Variants in STPG2 observed in about 807,000 individuals in gnomAD.
STPG2 encodes the protein sperm-tail PG-rich repeat-containing protein 2.
STPG2 carries 56 observed loss-of-function variants against 54.2 expected under a neutral mutation model. The observed-to-expected ratio is 1.03, with a 90% CI of 0.83 to 1.29. STPG2 has a LOEUF of 1.29. Ranked by LOEUF, STPG2 falls within the 50% of genes most tolerant of loss-of-function variation. The pLI, the probability that STPG2 is intolerant of heterozygous loss-of-function variation, is 0.00. For synonymous variants in STPG2, 200 were observed against 181.8 expected (o/e 1.10, Z -0.81); for missense variants, 596 against 544.9 (o/e 1.09, Z -0.93).
chr4:98,109,271 A>G lies in STPG2; in HGVS notation c.422T>C (p.Ile141Thr), dbSNP rs1435351888. ...VSNATLKYKG[I>T]HFGNSSGRQE... The stretch of plus-strand genomic sequence containing the variant: ...TCTTCCTGAAGAGTTGCCAAAATGT[A>G]TACCTTTGTATTTCAAAGTTGCATT... Residue 141 changes from isoleucine (I) to threonine (T), a missense_variant, in exon 4 of 11, where the codon ATA (isoleucine) becomes ACA (threonine). Transcript: ENST00000295268. 1.2e-6 allele frequency: 2 copies of G among 1,609,622 alleles called. No individual in the cohort carries two copies. Among genetic ancestry groups the G allele is most frequent in the Non-Finnish European group, 1.7e-6 (2 of 1,177,846 alleles).
chr4:97,733,454 G>A (rs1410279064), intron 9 of STPG2, among the ~76,000 whole-genome samples: 2 of 151,692 alleles, frequency 1.3e-5, no homozygotes, highest in African/African-American at 2.4e-5. Context: ...GGGTGGGAGA[G>A]GAATAGGGAT....
intron 5 of STPG2, among the ~76,000 whole-genome samples, chr4:98,080,039 T>C (rs28451101): frequency 0.4 from 60,118 of 151,872 alleles, 12,144 homozygotes; most frequent in Middle Eastern, 0.46. Context: ...TGTATTACAT[T>C]ATACCTAAGC....
intron 9 of STPG2, among the ~76,000 whole-genome samples, chr4:97,835,731 T>A (rs1049906567): frequency 1.3e-5 from 2 of 152,126 alleles, no homozygotes; most frequent in Non-Finnish European, 2.9e-5. Context: ...CTGGAAAGGC[T>A]ATACCATTAT....
chr4:97,603,614 C>T (rs182194470), intron 10 of STPG2, among the ~76,000 whole-genome samples: 1 of 151,352 alleles, frequency 6.6e-6, no homozygotes, highest in African/African-American at 2.4e-5. Context: ...TATATATACA[C>T]ACACATATAT....
At chr4:97,444,285 C>T (rs1011805773) in intron 4 of STPG2, among the ~76,000 whole-genome samples, 2 of 151,994 alleles carry the variant, frequency 1.3e-5, no homozygotes, top group East Asian at 1.9e-4. Context: ...GACATCAATC[C>T]ACACAATCCA....
intron 10 of STPG2, among the ~76,000 whole-genome samples, chr4:97,708,611 A>G (rs1018275932): frequency 6.6e-6 from 1 of 151,938 alleles, no homozygotes; most frequent in Non-Finnish European, 1.5e-5. Flanking sequence ...TAATAGAAAA[A>G]TTGAAAACTT....
chr4:97,470,916 A>G lies in STPG2; in HGVS notation c.462+241783T>C, dbSNP rs867493255. ...TTAGGCTACTATTGACTTTCTGATGATATGTCAGATTGGGGATCATCTGCT... is the reference window on the plus strand; with the variant it reads ...TTAGGCTACTATTGACTTTCTGATGGTATGTCAGATTGGGGATCATCTGCT... On this transcript the variant is annotated intron_variant, in intron 4 of 4. Coordinates refer to the STPG2 transcript ENST00000522676. Among the ~76,000 whole-genome samples, 3 of 152,258 alleles carry G rather than the reference A, an allele frequency of 2.0e-5. No individual in the cohort carries two copies. In the Middle Eastern group the frequency reaches 0.01, roughly 518 times the overall value.
chr4:97,710,905 AAT>A (rs1374141128), intron 10 of STPG2, among the ~76,000 whole-genome samples: 1 of 152,058 alleles, frequency 6.6e-6, no homozygotes, highest in Non-Finnish European at 1.5e-5. Context: ...TATAGGATGT[AAT>A]AGTTTGAAAT....
At chr4:97,874,791 G>T (rs904941495) in intron 8 of STPG2, among the ~76,000 whole-genome samples, 1 of 151,458 alleles carries the variant, frequency 6.6e-6, no homozygotes, top group Non-Finnish European at 1.5e-5. Flanking sequence ...GCCTTTAAAA[G>T]GTAATTATGT....
At chr4:97,844,319 A>G (rs1728884621) in intron 8 of STPG2, among the ~76,000 whole-genome samples, 1 of 152,050 alleles carries the variant, frequency 6.6e-6, no homozygotes, top group African/African-American at 2.4e-5. Flanking sequence ...CCCATGTTGT[A>G]GCATATTGCA....
At position 97,470,271 on chromosome 4, in the gene STPG2, A is replaced by G. The variant is rs193244028; in HGVS notation, c.462+242428T>C. Among the ~76,000 whole-genome samples the G allele has an allele frequency of 8.7e-4, 132 of 152,224 alleles. 1 individual carries two copies. In the Middle Eastern group the frequency reaches 0.017, roughly 20 times the overall value. ...AATGAGAGTTGGGTGATTTTAAAAC[A>G]CAGCTGACTGAGACTGGAGGCACAT... On this transcript the variant is annotated intron_variant, in intron 4 of 4. Coordinates refer to the STPG2 transcript ENST00000522676.
chr4:97,738,796 A>C (rs1186831273), intron 9 of STPG2, among the ~76,000 whole-genome samples: 2 of 152,134 alleles, frequency 1.3e-5, no homozygotes, highest in Admixed American at 1.3e-4. Context: ...AACATTAGAC[A>C]GATCAACAAG....
chr4:97,660,421 T>C (rs1472231834), intron 10 of STPG2, among the ~76,000 whole-genome samples: 2 of 152,208 alleles, frequency 1.3e-5, no homozygotes, highest in African/African-American at 4.8e-5. Flanking sequence ...GTATGCTTCA[T>C]CACATACAAT....
At chr4:97,871,394 G>T (rs1291962892) in intron 8 of STPG2, among the ~76,000 whole-genome samples, 2 of 150,374 alleles carry the variant, frequency 1.3e-5, no homozygotes, top group African/African-American at 2.4e-5. Context: ...CACACCAGTA[G>T]CTAATCTAAT....
chr4:97,790,605 C>T (rs1191553666), intron 9 of STPG2, among the ~76,000 whole-genome samples: 1 of 152,098 alleles, frequency 6.6e-6, no homozygotes, highest in East Asian at 1.9e-4. Context: ...CTAGAGGCTG[C>T]CCTCATTGCT....
intron 9 of STPG2, among the ~76,000 whole-genome samples, chr4:97,802,632 G>A (rs964606574): frequency 4.0e-5 from 6 of 151,896 alleles, no homozygotes; most frequent in Admixed American, 6.6e-5. Context: ...CACCACACCC[G>A]GCTAGTTTTT....
chr4:97,683,782 A>C (rs939072680), intron 10 of STPG2, among the ~76,000 whole-genome samples: 1 of 151,812 alleles, frequency 6.6e-6, no homozygotes, highest in African/African-American at 2.4e-5. Flanking sequence ...ATAAAAAAGA[A>C]AACTAAATAA....
intron 10 of STPG2, among the ~76,000 whole-genome samples, chr4:97,604,585 T>C (rs547459911): frequency 6.6e-6 from 1 of 151,840 alleles, no homozygotes; most frequent in East Asian, 1.9e-4. Context: ...ACCCTTCTGC[T>C]ACCCATAAGA....
At chr4:98,121,992 C>A (rs1422288579) in intron 3 of STPG2, among the ~76,000 whole-genome samples, 2 of 152,068 alleles carry the variant, frequency 1.3e-5, no homozygotes, top group South Asian at 4.1e-4. Flanking sequence ...AGTGCTGGGA[C>A]TACAAGCGTG....
Sources: allele counts gnomAD v4.1 joint callset (sites outside exome capture counted in the v4.1 genomes callset), GRCh38; gene constraint gnomAD v4.1.1; transcripts MANE v1.5; gene names NCBI Gene and HGNC (gene_info 2026-07-23, HGNC 2026-07-21).